The following XRCC4 variants were observed in gnomAD, a reference collection of about 807,000 sequenced individuals.
XRCC4 encodes X-ray repair cross complementing 4.
Under a neutral mutation model 39.1 loss-of-function variants are expected in XRCC4, and 28 were observed. That is an observed-to-expected ratio of 0.72 (90% confidence interval 0.53 to 0.98). The LOEUF is 0.98. XRCC4 is among the 50% of genes least tolerant of loss of function. The pLI is 0.00. For missense variants in XRCC4, 350 were observed against 376.4 expected (o/e 0.93, Z 0.58); for synonymous variants, 123 against 126.4 (o/e 0.97, Z 0.18).
chr5:83,133,908 A>G (rs10076274), intron 3 of XRCC4, among the ~76,000 whole-genome samples: 73,605 of 152,036 alleles, frequency 0.48, 18,791 homozygotes, highest in African/African-American at 0.63. Flanking sequence ...GGTGCTTGCC[A>G]AGGCTGGAGC....
chr5:83,158,104 CT>C (rs1380003199), intron 3 of XRCC4, among the ~76,000 whole-genome samples: 1 of 151,970 alleles, frequency 6.6e-6, no homozygotes, highest in Non-Finnish European at 1.5e-5. Flanking sequence ...GAGATTTTAT[CT>C]CTTGAAAATA....
chr5:83,314,966 C>A (rs186561814), intron 7 of XRCC4, among the ~76,000 whole-genome samples: 145 of 152,136 alleles, frequency 9.5e-4, no homozygotes, highest in Middle Eastern at 6.8e-3. Flanking sequence ...AATTCAAAAG[C>A]TAGAAATGAT....
At chr5:83,111,740 G>C (rs1477465433) in intron 3 of XRCC4, among the ~76,000 whole-genome samples, 1 of 152,080 alleles carries the variant, frequency 6.6e-6, no homozygotes, top group Non-Finnish European at 1.5e-5. Context: ...AAGAGTATCT[G>C]CTACTTATTC....
At chr5:83,325,943 T>G (rs1008553027) in intron 7 of XRCC4, among the ~76,000 whole-genome samples, 7 of 152,120 alleles carry the variant, frequency 4.6e-5, no homozygotes, top group African/African-American at 1.7e-4. Context: ...AAAGCATTCC[T>G]TTTTCTTTGC....
chr5:83,219,209 T>C (rs1751988811), intron 6 of XRCC4, among the ~76,000 whole-genome samples: 1 of 152,162 alleles, frequency 6.6e-6, no homozygotes, highest in South Asian at 2.1e-4. Context: ...ATGACCTCAT[T>C]TTAACTTTAT....
chr5:83,124,426 A>G (rs1010595170), intron 3 of XRCC4, among the ~76,000 whole-genome samples: 3 of 152,074 alleles, frequency 2.0e-5, no homozygotes, highest in Admixed American at 1.3e-4. Flanking sequence ...AGATCCACCA[A>G]ATCGTTGAAT....
chr5:83,179,323 A>G (rs571587482), intron 3 of XRCC4, among the ~76,000 whole-genome samples: 5 of 152,304 alleles, frequency 3.3e-5, no homozygotes, highest in African/African-American at 9.6e-5. Flanking sequence ...TATTCCTGCA[A>G]TGTAATAAGA....
intron 7 of XRCC4, among the ~76,000 whole-genome samples, chr5:83,339,193 A>C (rs1190495086): frequency 6.6e-6 from 1 of 152,228 alleles, no homozygotes; most frequent in Non-Finnish European, 1.5e-5. Flanking sequence ...TTTTTAATTC[A>C]AAATCAAAAG....
At chr5:83,340,480 A>G (rs1185624011) in intron 7 of XRCC4, among the ~76,000 whole-genome samples, 2 of 152,186 alleles carry the variant, frequency 1.3e-5, no homozygotes, top group Non-Finnish European at 2.9e-5. Context: ...TAAGTAGAAA[A>G]GAGAGGCAGA....
the XRCC4 span, among the ~76,000 whole-genome samples, chr5:83,367,412 G>A: frequency 2.0e-5 from 3 of 152,176 alleles, no homozygotes; most frequent in Admixed American, 1.3e-4. Flanking sequence ...CTATGTGACT[G>A]TTGTGTTCTT....
chr5:83,320,520 C>G (rs1464078139), intron 7 of XRCC4, among the ~76,000 whole-genome samples: 1 of 151,868 alleles, frequency 6.6e-6, no homozygotes, highest in Non-Finnish European at 1.5e-5. Context: ...ATATTGACTC[C>G]AATTTTGAAA....
intron 6 of XRCC4, among the ~76,000 whole-genome samples, chr5:83,251,084 A>G (rs1753289983): frequency 6.6e-6 from 1 of 152,212 alleles, no homozygotes; most frequent in Admixed American, 6.5e-5. Context: ...TTTTCAAGGA[A>G]TGCCTCTGAA....
rs182088245 is a variant in XRCC4, at chr5:83,224,122, T to A, written c.745+19201T>A. 2.0e-5 allele frequency among the ~76,000 whole-genome samples: 3 copies of A among 152,194 alleles called. No homozygotes were observed. The East Asian group carries it at 5.8e-4, about 29-fold the overall frequency. On this transcript the variant is annotated intron_variant, in intron 6 of 7. Transcript: ENST00000396027. ...AACTGGAGAATTTAGTCTATTTACATTGTAGATTATTATTGATAGGTATGG... is the reference window on the plus strand; with the variant it reads ...AACTGGAGAATTTAGTCTATTTACAATGTAGATTATTATTGATAGGTATGG...
At chr5:83,263,086 T>C (rs1196131675) in intron 7 of XRCC4, among the ~76,000 whole-genome samples, 1 of 145,322 alleles carries the variant, frequency 6.9e-6, no homozygotes, top group East Asian at 2.1e-4. Context: ...TGAGTGAGAA[T>C]ATGCGGTGTT....
intron 7 of XRCC4, among the ~76,000 whole-genome samples, chr5:83,273,458 G>C (rs1754212850): frequency 6.6e-6 from 1 of 152,142 alleles, no homozygotes. Flanking sequence ...GGCTTTTGTT[G>C]CAATTGCTTT....
chr5:83,139,174 G>A (rs7721416), intron 3 of XRCC4, among the ~76,000 whole-genome samples: 73,578 of 151,842 alleles, frequency 0.48, 18,793 homozygotes, highest in African/African-American at 0.63. Flanking sequence ...TTTACAGTTT[G>A]TGGAAGTTCG....
intron 3 of XRCC4, among the ~76,000 whole-genome samples, chr5:83,144,268 T>TGTGG (rs1491580752): frequency 7.7e-3 from 11 of 1,424 alleles, no homozygotes; most frequent in Middle Eastern, 0.12. Context: ...AATATTCCTC[T>TGTGG]GTGTGTGTGT....
At chr5:83,218,611 C>T (rs908710064) in intron 6 of XRCC4, among the ~76,000 whole-genome samples, 165 of 151,896 alleles carry the variant, frequency 1.1e-3, no homozygotes, top group African/African-American at 3.7e-3. Flanking sequence ...GGTTAAAAAA[C>T]GATGTTTTGT....
chr5:83,338,905 A>C (rs1173743027), intron 7 of XRCC4, among the ~76,000 whole-genome samples: 1 of 152,196 alleles, frequency 6.6e-6, no homozygotes, highest in African/African-American at 2.4e-5. Flanking sequence ...TTAGTGTGAT[A>C]AATAAAAGTT....
Sources: allele counts gnomAD v4.1 joint callset (sites outside exome capture counted in the v4.1 genomes callset), GRCh38; gene constraint gnomAD v4.1.1; transcripts MANE v1.5; gene names NCBI Gene and HGNC (gene_info 2026-07-23, HGNC 2026-07-21).